The following KMT2D variants were observed in gnomAD, a reference collection of about 807,000 sequenced individuals.
The protein encoded by KMT2D is lysine methyltransferase 2D, also known as histone-lysine N-methyltransferase 2D.
KMT2D carries 55 observed loss-of-function variants against 512.7 expected under a neutral mutation model. The observed-to-expected ratio is 0.11, with a 90% confidence interval of 0.09 to 0.13. KMT2D has a LOEUF of 0.13. KMT2D is among the 10% of genes least tolerant of loss of function. The pLI, the probability that KMT2D is intolerant of heterozygous loss-of-function variation, is 1.00. For synonymous variants in KMT2D, 2,995 were observed against 2,904.0 expected, an observed-to-expected ratio of 1.03 and a Z score of -1.01; for missense variants, 6,061 against 7,127.9, an observed-to-expected ratio of 0.85 and a Z score of 5.39.
rs1942353373 is a variant in KMT2D, at chr12:49,022,049, T to C, written c.16515A>G (p.Gly5505=). 1.2e-6 allele frequency: 2 copies of C among 1,613,472 alleles called. No homozygotes were observed. The highest frequency in any genetic ancestry group is 1.3e-5 in the African/African-American group (1 of 74,880). Residue 5505 remains glycine (G), a synonymous_variant, in exon 54 of 55, where the codon GGA becomes GGG. Transcript: ENST00000301067. This position sits in a 1 kb window ranked among gnomAD's most constrained non-coding sequence, Gnocchi z 8.6. ...IIISSRRIPK[G]EELTYDYQFD... Reference sequence around the variant, plus strand: ...TCAGGATACTTCCTCTCACCTCCTCTCCTTTGGGGATTCGCCGGCTGGAGA... The same window carrying C: ...TCAGGATACTTCCTCTCACCTCCTCCCCTTTGGGGATTCGCCGGCTGGAGA...
rs564236913 is a variant in KMT2D, at chr12:49,056,235, T to C, written c.-37-874A>G. On this transcript the variant is annotated intron_variant, in intron 1 of 54. Transcript: ENST00000301067. ...GAGGAGTTCTAAACAGGGCAGGACA[T>C]AGCACAGCACAGCGGAGTAGCTTCC... Among the ~76,000 whole-genome samples, 6 of 152,306 alleles carry C rather than the reference T, an allele frequency of 3.9e-5. No homozygotes were observed. In the South Asian group the frequency reaches 1.2e-3, roughly 32 times the overall value.
At chr12:49,057,377 G>C (rs1938474082) in intron 1 of KMT2D, among the ~76,000 whole-genome samples, 1 of 152,170 alleles carries the variant, frequency 6.6e-6, no homozygotes, top group Admixed American at 6.5e-5. Context: ...GGTAGGAGGA[G>C]GGCTGCCTCA....
rs772952578 is a variant in KMT2D at position 49,039,689 on chromosome 12, G to A, written c.8046+35C>T. ...ATAGGGCTGCCCCAGAGACAGGAGC[G>A]ATATAGGGGGCTTAGCTCCAGGGTG... On this transcript the variant is annotated intron_variant, in intron 32 of 54. Coordinates refer to ENST00000301067, the MANE Select transcript of KMT2D (RefSeq NM_003482.4). The surrounding 1 kb of genome is among the most constrained non-coding windows in gnomAD (Gnocchi z 5.0). The A allele has an allele frequency of 9.3e-6, 15 of 1,605,536 alleles. No individual in the cohort carries two copies. The highest frequency in any genetic ancestry group is 6.7e-5 in the African/African-American group (5 of 74,922).
chr12:49,042,010 A>T lies in KMT2D; in HGVS notation c.6110-20T>A, dbSNP rs761472151. 1 of 1,612,348 alleles carries T rather than the reference A, an allele frequency of 6.2e-7. No individual in the cohort carries two copies. The highest frequency in any genetic ancestry group is 2.2e-5 in the East Asian group (1 of 44,852). On this transcript the variant is annotated intron_variant, in intron 29 of 54. Coordinates refer to ENST00000301067, the MANE Select transcript of KMT2D (RefSeq NM_003482.4). This position sits in a 1 kb window ranked among gnomAD's most constrained non-coding sequence, Gnocchi z 4.4. ...ACCAGTCTGGAGGGCAGAGAGAGTG[A>T]GTCAGAGAAGACTTGGCAGGCGACT... is the stretch of plus-strand genomic sequence containing the variant.
In KMT2D at chr12:49,047,948, T is replaced by C. The variant is rs955924412; in HGVS notation, c.4236+17A>G. ...GACCCTATTCCCCAGCCTACACCTC[T>C]TGGGCCCTGAACTCACCTTGCTGTT... On this transcript the variant is annotated intron_variant, in intron 15 of 54. Coordinates refer to ENST00000301067, the MANE Select transcript of KMT2D (RefSeq NM_003482.4). The C allele has an allele frequency of 3.2e-6, 5 of 1,577,618 alleles. No homozygotes were observed. Among genetic ancestry groups the C allele is most frequent in the Non-Finnish European group, 2.6e-6 (3 of 1,146,792 alleles).
chr12:49,045,064 G>T, intron 19 of KMT2D, 99 bp from the exon 20 acceptor site: 1 of 1,192,758 alleles, frequency 8.4e-7, no homozygotes, highest in Non-Finnish European at 1.2e-6. Flanking sequence ...CAAAGGCAGT[G>T]ACAAAAGTCC....
chr12:49,057,077 G>A (rs936907290), intron 1 of KMT2D, among the ~76,000 whole-genome samples: 2 of 152,122 alleles, frequency 1.3e-5, no homozygotes, highest in African/African-American at 4.8e-5. Flanking sequence ...TGGGTCATCT[G>A]GCCGGCTCGT....
chr12:49,040,717 C>G lies in KMT2D; in HGVS notation c.7053G>C (p.Glu2351Asp), dbSNP rs2120533225. The change falls in exon 32 of 55, where the codon GAG (glutamate) becomes GAC (aspartate). Residue 2351 changes from glutamate to aspartate, a missense_variant. Physicochemically the swap from Glu to Asp is conservative, Grantham distance 45. Transcript: ENST00000301067. ...QSPGLGLRPQ[E>D]PPPAQALAPS... ...GTGCCAAAGCCTGGGCAGGGGGTGG[C>G]TCCTGGGGCCTTAGGCCCAAGCCCG... The G allele has an allele frequency of 6.2e-7, 1 of 1,613,680 alleles. No individual in the cohort carries two copies.
rs1198071203 is a variant in KMT2D at position 49,048,651 on chromosome 12, T to C, written c.4131+8A>G. The C allele has an allele frequency of 6.4e-7, 1 of 1,553,970 alleles. No individual in the cohort carries two copies. Among genetic ancestry groups the C allele is most frequent in the Non-Finnish European group, 8.9e-7 (1 of 1,125,042 alleles). On this transcript the variant is annotated splice_region_variant and intron_variant, in intron 14 of 54. Coordinates refer to ENST00000301067, the MANE Select transcript of KMT2D (RefSeq NM_003482.4). ...ATGTTCAGTGTGCCAGGTCTCACTG[T>C]ATGGTACCTGCATTAGGACAAATTT...
rs772239870 is a variant in KMT2D at position 49,050,218 on chromosome 12, G to C, written c.3370C>G (p.Pro1124Ala). ...DFSGLGEDTAPLDGIDAPGSQ... is the reference protein window; with the variant it reads ...DFSGLGEDTAALDGIDAPGSQ... Reference sequence around the variant, plus strand: ...CCCGGAGCATCAATCCCATCCAGAGGGGCTGTGTCTTCCCCTAGGCCAGAG... The same window carrying C: ...CCCGGAGCATCAATCCCATCCAGAGCGGCTGTGTCTTCCCCTAGGCCAGAG... Residue 1124 changes from proline to alanine, a missense_variant, in exon 12 of 55, where the codon CCT becomes GCT. Pro to Ala is a conservative substitution (Grantham distance 27, BLOSUM62 -1). Coordinates refer to ENST00000301067, the MANE Select transcript of KMT2D (RefSeq NM_003482.4). The C allele has an allele frequency of 1.2e-6, 2 of 1,613,776 alleles. No homozygotes were observed. Among genetic ancestry groups the C allele is most frequent in the Non-Finnish European group, 1.7e-6 (2 of 1,179,826 alleles).
chr12:49,029,084 A>C lies in KMT2D; in HGVS notation c.14228T>G (p.Leu4743Arg). The C allele has an allele frequency of 6.2e-7, 1 of 1,605,360 alleles. No homozygotes were observed. Among genetic ancestry groups the C allele is most frequent in the Non-Finnish European group, 8.5e-7 (1 of 1,173,264 alleles). The stretch of plus-strand genomic sequence containing the variant: ...ACCTGGGATGCTGGCCCGAGGAATG[A>C]GGGGGATGACAGGGGAGAGGGCCCG... ...EDRALSPVIPLIPRASIPVFP... is the reference protein window; with the variant it reads ...EDRALSPVIPRIPRASIPVFP... Residue 4743 changes from leucine to arginine, a missense_variant, in exon 45 of 55, where the codon CTC becomes CGC. Leu to Arg is a moderately radical substitution (Grantham distance 102). This residue lies in a region of KMT2D where 1,600 missense variants were observed against 1,754.9 expected (regional missense o/e 0.91). Coordinates refer to ENST00000301067, the MANE Select transcript of KMT2D (RefSeq NM_003482.4).
chr12:49,048,389 G>A (rs1198386502), intron 14 of KMT2D, among the ~76,000 whole-genome samples: 2 of 152,232 alleles, frequency 1.3e-5, no homozygotes, highest in African/African-American at 2.4e-5. Flanking sequence ...TTCAAGTGAG[G>A]ACACATGTAA....
chr12:49,042,242 T>C lies in KMT2D; in HGVS notation c.5956A>G (p.Thr1986Ala). 1 of 1,589,734 alleles carries C rather than the reference T, an allele frequency of 6.3e-7. No individual in the cohort carries two copies. The highest frequency in any genetic ancestry group is 8.6e-7 in the Non-Finnish European group (1 of 1,168,522). ...SGGTTPSTPTTPTTEGEGDGL... is the reference protein window; with the variant it reads ...SGGTTPSTPTAPTTEGEGDGL... ...TCGCCCTCACCCTCCGTGGTGGGGG[T>C]TGTGGGGGTGGAGGGCGTGGTGCCA... Residue 1986 changes from threonine (T) to alanine (A), a missense_variant, in exon 29 of 55, where the codon ACC becomes GCC. Coordinates refer to ENST00000301067, the MANE Select transcript of KMT2D (RefSeq NM_003482.4). The surrounding 1 kb of genome is among the most constrained non-coding windows in gnomAD (Gnocchi z 4.4).
At position 49,037,960 on chromosome 12, in the gene KMT2D, G is replaced by C. The variant is rs1175405763; in HGVS notation, c.9396C>G (p.Cys3132Trp). ...VEEGGRHPSP[C>W]QFTIATPKVE... ...CCTTGGGGGTAGCAATGGTGAATTG[G>C]CAAGGAGAAGGGTGGCGTCCACCCT... Residue 3132 changes from cysteine (C) to tryptophan (W), a missense_variant, in exon 35 of 55, where the codon TGC (cysteine) becomes TGG (tryptophan). By Grantham distance (215) the Cys-to-Trp change is radical (BLOSUM62 -2). Coordinates refer to ENST00000301067, the MANE Select transcript of KMT2D (RefSeq NM_003482.4). The C allele has an allele frequency of 1.2e-6, 2 of 1,603,008 alleles. No homozygotes were observed. Among genetic ancestry groups the C allele is most frequent in the Non-Finnish European group, 8.5e-7 (1 of 1,175,066 alleles).
rs1384728504 is a variant in KMT2D at position 49,041,755 on chromosome 12, C to T, written c.6184-50G>A. On this transcript the variant is annotated intron_variant, in intron 30 of 54. Coordinates refer to ENST00000301067, the MANE Select transcript of KMT2D (RefSeq NM_003482.4). This position sits in a 1 kb window ranked among gnomAD's most constrained non-coding sequence, Gnocchi z 5.4. ...AGGGCCTAGTGCTTGGTCTCATGCC[C>T]CGCCCCCATACTGTAGTGTTTTCAC... is the stretch of plus-strand genomic sequence containing the variant. 6.4e-7 allele frequency: 1 copy of T among 1,574,140 alleles called. No homozygotes were observed. Among genetic ancestry groups the T allele is most frequent in the Middle Eastern group, 1.7e-4 (1 of 5,918 alleles).
chr12:49,058,459 A>C (rs1207149755), intron 1 of KMT2D, among the ~76,000 whole-genome samples: 1 of 152,198 alleles, frequency 6.6e-6, no homozygotes, highest in Non-Finnish European at 1.5e-5. Context: ...GATAAGAGTG[A>C]GGGAGCAAAA....
Position 49,030,737 on chromosome 12 carries a change from G to A in KMT2D, c.13703C>T (p.Ala4568Val), listed in dbSNP as rs769668980. ...AAAGAGGCTAAAATTGGCGGTGATA[G>A]CAGGCTCCGTTAGGGGCAGCAGGGA... Reference protein sequence around the residue: ...ELSLLPLTEPAITANFSLFAP... With the variant: ...ELSLLPLTEPVITANFSLFAP... Residue 4568 changes from alanine to valine, a missense_variant, in exon 42 of 55, where the codon GCT becomes GTT. Coordinates refer to ENST00000301067, the MANE Select transcript of KMT2D (RefSeq NM_003482.4). 1.2e-6 allele frequency: 2 copies of A among 1,613,570 alleles called. No homozygotes were observed. The highest frequency in any genetic ancestry group is 2.7e-5 in the African/African-American group (2 of 74,956).
At position 49,033,112 on chromosome 12, in the gene KMT2D, G is replaced by C. The variant is rs1207493282; in HGVS notation, c.11593C>G (p.Gln3865Glu). 1 of 1,551,496 alleles carries C rather than the reference G, an allele frequency of 6.4e-7. No homozygotes were observed. Among genetic ancestry groups the C allele is most frequent in the African/African-American group, 1.4e-5 (1 of 73,034 alleles). The change falls in exon 40 of 55, where the codon CAA becomes GAA. Residue 3865 changes from glutamine to glutamate, a missense_variant. Gln to Glu is a conservative substitution (Grantham distance 29). This residue lies in a region of KMT2D where 1,600 missense variants were observed against 1,754.9 expected (regional missense o/e 0.91). Transcript: ENST00000301067. ...AGCCCTGCCATGGACCCTTGCTGTT[G>C]GTGCTGTTGTTGCTGCTGCTGCTGC... ...AQQQQQQQQH[Q>E]QQGSMAGLSH...
In KMT2D at chr12:49,041,601, T is replaced by C. The variant is rs2120549375; in HGVS notation, c.6234+54A>G. The stretch of plus-strand genomic sequence containing the variant: ...AGGCAGGCCCCATGGCCCTCCACCC[T>C]CAAGAGAGGCCACCCACTAGAGGAC... On this transcript the variant is annotated intron_variant, in intron 31 of 54. Transcript: ENST00000301067. The surrounding 1 kb of genome is among the most constrained non-coding windows in gnomAD (Gnocchi z 5.4). 1 of 1,612,758 alleles carries C rather than the reference T, an allele frequency of 6.2e-7. No individual in the cohort carries two copies. Among genetic ancestry groups the C allele is most frequent in the Non-Finnish European group, 8.5e-7 (1 of 1,179,278 alleles).
Sources: allele counts gnomAD v4.1 joint callset (sites outside exome capture counted in the v4.1 genomes callset), GRCh38; gene constraint gnomAD v4.1.1; regional missense constraint gnomAD v4.1.1; non-coding constraint Gnocchi (gnomAD v3.1); transcripts MANE v1.5; gene names NCBI Gene and HGNC (gene_info 2026-07-23, HGNC 2026-07-21).